Variants in STX17 observed in about 807,000 individuals in gnomAD.
STX17 encodes syntaxin-17.
In STX17, 29 loss-of-function variants were observed where a neutral mutation model predicts 35.9. The observed-to-expected ratio is 0.81, with a 90% CI of 0.60 to 1.10. The LOEUF (loss-of-function observed/expected upper bound fraction) is 1.10. STX17 is among the 50% of genes least tolerant of loss of function. STX17 has a pLI of 0.00. For synonymous variants in STX17, 92 were observed against 118.3 expected, an observed-to-expected ratio of 0.78 and a Z score of 1.44; for missense variants, 312 against 352.3, an observed-to-expected ratio of 0.89 and a Z score of 0.92.
chr9:99,956,785 C>T (rs1829718876), intron 4 of STX17, among the ~76,000 whole-genome samples: 1 of 152,162 alleles, frequency 6.6e-6, no homozygotes, highest in Non-Finnish European at 1.5e-5. Flanking sequence ...CTATGGCCTT[C>T]CTAAACAATT....
At chr9:99,944,089 T>G (rs1193640573) in intron 3 of STX17, among the ~76,000 whole-genome samples, 4 of 152,074 alleles carry the variant, frequency 2.6e-5, no homozygotes, top group Non-Finnish European at 5.9e-5. Flanking sequence ...GTTTTCTAAT[T>G]TATTGGCATA....
At chr9:99,929,100 A>G in intron 3 of STX17, 1 of 298,146 alleles carries the variant, frequency 3.4e-6, no homozygotes, top group South Asian at 8.1e-5. Flanking sequence ...AAATCCTTTA[A>G]CATTGGTATT....
chr9:99,932,907 A>G (rs530259537), intron 3 of STX17, among the ~76,000 whole-genome samples: 22 of 152,320 alleles, frequency 1.4e-4, no homozygotes, highest in African/African-American at 4.6e-4. Context: ...TAAGAGCTAT[A>G]TTGTCACATT....
At chr9:99,962,667 C>T (rs1829849449) in intron 6 of STX17, among the ~76,000 whole-genome samples, 1 of 152,176 alleles carries the variant, frequency 6.6e-6, no homozygotes, top group Non-Finnish European at 1.5e-5. Context: ...ATGTAAGCAG[C>T]TCATAACCTC....
chr9:99,945,790 G>A, intron 3 of STX17: 1 of 373,276 alleles, frequency 2.7e-6, no homozygotes, highest in Non-Finnish European at 5.3e-6. Context: ...TTTTTTAAAT[G>A]GACAGTTGCG....
At chr9:99,968,288 T>G in intron 7 of STX17, 146 bp from the exon 8 acceptor site, 1 of 1,001,936 alleles carries the variant, frequency 1.0e-6, no homozygotes, top group East Asian at 2.7e-5. Flanking sequence ...ATACTTTCTT[T>G]TCCCCCCTAC....
intron 4 of STX17, among the ~76,000 whole-genome samples, chr9:99,952,665 T>C (rs1743391406): frequency 1.3e-5 from 2 of 152,126 alleles, no homozygotes; most frequent in South Asian, 2.1e-4. Context: ...ATTAGGAAAA[T>C]GTGGCACATA....
At chr9:99,952,495 A>G (rs539425203) in intron 4 of STX17, among the ~76,000 whole-genome samples, 1 of 152,348 alleles carries the variant, frequency 6.6e-6, no homozygotes, top group Admixed American at 6.5e-5. Flanking sequence ...ATCTAGAACT[A>G]GAAATATCAT....
chr9:99,931,600 G>A (rs73654149), intron 3 of STX17, among the ~76,000 whole-genome samples: 2,359 of 151,744 alleles, frequency 0.016, 60 homozygotes, highest in African/African-American at 0.055. Context: ...GCTTTCACAC[G>A]GTAACAGCAG....
At chr9:99,930,988 G>A (rs757633061) in intron 3 of STX17, among the ~76,000 whole-genome samples, 6 of 151,556 alleles carry the variant, frequency 4.0e-5, no homozygotes, top group Admixed American at 1.3e-4. Flanking sequence ...TTTGTTTTTC[G>A]TTTTTTGAGA....
chr9:99,958,713 C>T (rs1829763737), intron 4 of STX17, among the ~76,000 whole-genome samples: 1 of 152,202 alleles, frequency 6.6e-6, no homozygotes, highest in Admixed American at 6.5e-5. Flanking sequence ...CCTCAGCACA[C>T]TGATCAGCAG....
At position 99,919,939 on chromosome 9, in the gene STX17, CAT is replaced by C. The variant is rs368005230; in HGVS notation, c.123+4579_123+4580del. Among the ~76,000 whole-genome samples the C allele has an allele frequency of 1.4e-4, 21 of 152,290 alleles. No homozygotes were observed. The South Asian group carries it at 4.1e-3, about 30-fold the overall frequency. On this transcript the variant is annotated intron_variant, in intron 2 of 7. Transcript: ENST00000259400. ...CTGAACTATATAGTATAAAATCAGACATAATCAGTCTTATTTATTGTTAATCT... is the reference window on the plus strand; with the variant it reads ...CTGAACTATATAGTATAAAATCAGACAATCAGTCTTATTTATTGTTAATCT...
intron 3 of STX17, 42 bp from the exon 4 acceptor site, chr9:99,951,018 A>C: frequency 6.6e-7 from 1 of 1,509,776 alleles, no homozygotes; most frequent in Non-Finnish European, 9.0e-7. Context: ...AAGATATCTT[A>C]TACTAAGAAA....
At chr9:99,922,964 T>G (rs1828916527) in intron 2 of STX17, among the ~76,000 whole-genome samples, 1 of 152,178 alleles carries the variant, frequency 6.6e-6, no homozygotes, top group South Asian at 2.1e-4. Flanking sequence ...ATTGTTCCTG[T>G]CCCCTGGTGG....
rs545892818 is a variant in STX17, at chr9:99,931,258, C to T, written c.189+2415C>T. ...CCTTCCAAAGTGCTGGGATTACAGGCGTGAGCTACTGCGCCCAGCTGATTT... is the reference window on the plus strand; with the variant it reads ...CCTTCCAAAGTGCTGGGATTACAGGTGTGAGCTACTGCGCCCAGCTGATTT... On this transcript the variant is annotated intron_variant, in intron 3 of 7. Coordinates refer to ENST00000259400, the MANE Select transcript of STX17 (RefSeq NM_017919.3). Among the ~76,000 whole-genome samples, 103 of 152,250 alleles carry T rather than the reference C, an allele frequency of 6.8e-4. 1 individual carries two copies. Among genetic ancestry groups the T allele is most frequent in the Non-Finnish European group, 1.4e-3 (93 of 68,026 alleles).
intron 3 of STX17, among the ~76,000 whole-genome samples, chr9:99,935,430 CT>C (rs1475387019): frequency 1.3e-5 from 2 of 151,160 alleles, no homozygotes; most frequent in Non-Finnish European, 2.9e-5. Context: ...TTTTTAAAAA[CT>C]TATGTCAGTG....
At chr9:99,960,487 A>T in intron 6 of STX17, among the ~76,000 whole-genome samples, 1 of 151,124 alleles carries the variant, frequency 6.6e-6, no homozygotes, top group East Asian at 1.9e-4. Flanking sequence ...TCTGTCGCCC[A>T]GGCTGGAATG....
intron 4 of STX17, among the ~76,000 whole-genome samples, chr9:99,959,029 C>T (rs1318421129): frequency 6.6e-6 from 1 of 152,148 alleles, no homozygotes; most frequent in Non-Finnish European, 1.5e-5. Flanking sequence ...TATTACTTCC[C>T]TGCTTTCAAC....
In STX17 at chr9:99,967,652, G is replaced by C; in HGVS notation, c.583-1G>C. ...CTCACTCATAATTCCTTTGCATCTA[G>C]TCTCAGCAGGAGAAGATTGACAGCA... On this transcript the variant is annotated splice_acceptor_variant, in intron 6 of 7. Transcript: ENST00000259400. LOFTEE classifies it high-confidence loss of function. The C allele has an allele frequency of 6.2e-7, 1 of 1,613,700 alleles. No individual in the cohort carries two copies. Among genetic ancestry groups the C allele is most frequent in the Non-Finnish European group, 8.5e-7 (1 of 1,179,780 alleles).
Sources: gnomAD v4.1 joint callset for allele counts (sites outside exome capture counted in the v4.1 genomes callset) on GRCh38, gnomAD v4.1.1 for gene constraint, MANE v1.5 for transcripts, NCBI Gene and HGNC (gene_info 2026-07-23, HGNC 2026-07-21) for gene names.